Variants in PLD1 observed in about 807,000 individuals in gnomAD.
PLD1 encodes choline phosphatase 1.
In PLD1, 112 loss-of-function variants were observed where a neutral mutation model predicts 137.1. The observed-to-expected ratio is 0.82, with a 90% CI of 0.70 to 0.96. The LOEUF is 0.96. Ranked by LOEUF, PLD1 falls within the 40% of genes least tolerant of loss-of-function variation. The probability of loss-of-function intolerance (pLI) is 0.00; values close to 1 mark genes in which losing one functional copy is unlikely to be tolerated. For synonymous variants in PLD1, 431 were observed against 454.7 expected (o/e 0.95, Z 0.66); for missense variants, 1,321 against 1,342.0 (o/e 0.98, Z 0.24).
chr3:171,712,104 A>G (rs1362085912), intron 9 of PLD1, among the ~76,000 whole-genome samples: 2 of 152,158 alleles, frequency 1.3e-5, no homozygotes, highest in Non-Finnish European at 2.9e-5. Flanking sequence ...ACAGATTCTA[A>G]AAGAATTATT....
chr3:171,639,848 C>CTCTCTATA (rs3050415), intron 23 of PLD1, among the ~76,000 whole-genome samples: 6,761 of 109,838 alleles, frequency 0.062, 301 homozygotes, highest in Admixed American at 0.092. Flanking sequence ...CTCTCTCTCT[C>CTCTCTATA]TATATATATA....
intron 23 of PLD1, among the ~76,000 whole-genome samples, chr3:171,620,737 T>TCG: frequency 1.3e-5 from 1 of 76,898 alleles, no homozygotes; most frequent in Non-Finnish European, 2.5e-5. Context: ...TCTCTCTCTC[T>TCG]CTCTCTATAT....
At chr3:171,685,925 C>A (rs1448180518) in intron 16 of PLD1, among the ~76,000 whole-genome samples, 1 of 152,080 alleles carries the variant, frequency 6.6e-6, no homozygotes, top group Non-Finnish European at 1.5e-5. Flanking sequence ...TCAACACAAG[C>A]CTGGCCAACA....
At chr3:171,756,710 A>G (rs533342161) in intron 1 of PLD1, among the ~76,000 whole-genome samples, 7 of 152,350 alleles carry the variant, frequency 4.6e-5, no homozygotes, top group African/African-American at 1.4e-4. Flanking sequence ...TAGCTGTTAA[A>G]AAGTCATTGT....
At position 171,734,928 on chromosome 3, in the gene PLD1, C is replaced by G; in HGVS notation, c.477G>C (p.Glu159Asp). The change falls in exon 5 of 27, where the codon GAG becomes GAC. Residue 159 changes from glutamate (E) to aspartate (D), a missense_variant. Glu to Asp is a conservative substitution (Grantham distance 45). Coordinates refer to ENST00000351298, the MANE Select transcript of PLD1 (RefSeq NM_002662.5). Reference protein sequence around the residue: ...RRQNVREEPREMPSLPRSSEN... With the variant: ...RRQNVREEPRDMPSLPRSSEN... ...CAGATGAACGGGGCAAACTGGGCAT[C>G]TCTCGAGGCTCCTCTCTGACGTTTT... The G allele has an allele frequency of 6.2e-7, 1 of 1,613,516 alleles. No homozygotes were observed. The highest frequency in any genetic ancestry group is 1.1e-5 in the South Asian group (1 of 91,024).
chr3:171,691,998 G>A (rs1042195115), intron 13 of PLD1, among the ~76,000 whole-genome samples: 1 of 152,132 alleles, frequency 6.6e-6, no homozygotes, highest in African/African-American at 2.4e-5. Context: ...ATGTCACAGG[G>A]AGATCACATC....
chr3:171,686,056 G>A lies in PLD1; in HGVS notation c.1867+629C>T, dbSNP rs568298804. On this transcript the variant is annotated intron_variant, in intron 16 of 26. Transcript: ENST00000351298. ...GGAGAATCGCTAAAACCTGGGAGGC[G>A]GAGGGTGCAGTGAGCCAAGACGGCC... Among the ~76,000 whole-genome samples the A allele has an allele frequency of 6.9e-4, 105 of 151,288 alleles. 1 individual carries two copies. The highest frequency in any genetic ancestry group is 2.4e-3 in the African/African-American group (98 of 41,218).
chr3:171,631,680 A>G (rs1364623422), intron 23 of PLD1, among the ~76,000 whole-genome samples: 1 of 152,132 alleles, frequency 6.6e-6, no homozygotes, highest in African/African-American at 2.4e-5. Context: ...TCATCAAGCC[A>G]CCTTTAAAAG....
chr3:171,764,911 G>A (rs796987086), intron 1 of PLD1, among the ~76,000 whole-genome samples: 14,435 of 38,516 alleles, frequency 0.37, 4,032 homozygotes, highest in Admixed American at 0.45. Flanking sequence ...AAGGAAGGAA[G>A]GAAAGAAAGA....
intron 24 of PLD1, 142 bp downstream of exon 24, chr3:171,620,244 G>C (rs1434176996): frequency 1.3e-5 from 7 of 547,868 alleles, no homozygotes; most frequent in Non-Finnish European, 1.6e-5. Context: ...AAGAGAAGAG[G>C]ATGGCTTCAG....
At chr3:171,652,401 A>G (rs1402899599) in intron 21 of PLD1, among the ~76,000 whole-genome samples, 1 of 143,982 alleles carries the variant, frequency 6.9e-6, no homozygotes, top group African/African-American at 2.7e-5. Context: ...CGACAGAGTG[A>G]GACTCCTTCT....
At chr3:171,795,062 T>C (rs920622963) in intron 1 of PLD1, among the ~76,000 whole-genome samples, 1 of 152,258 alleles carries the variant, frequency 6.6e-6, no homozygotes, top group Non-Finnish European at 1.5e-5. Context: ...AGGTGTTCCT[T>C]TGTTTAAAAT....
chr3:171,772,959 A>G (rs1722443803), intron 1 of PLD1, among the ~76,000 whole-genome samples: 2 of 152,198 alleles, frequency 1.3e-5, no homozygotes, highest in Non-Finnish European at 2.9e-5. Context: ...CCTCTGCAGA[A>G]AGAGCTTCAA....
At chr3:171,775,513 C>T (rs1722557697) in intron 1 of PLD1, among the ~76,000 whole-genome samples, 1 of 151,794 alleles carries the variant, frequency 6.6e-6, no homozygotes, top group Admixed American at 6.6e-5. Flanking sequence ...CAAAGAGGTC[C>T]CCATGGCACA....
intron 16 of PLD1, among the ~76,000 whole-genome samples, chr3:171,683,955 T>C (rs2002006): frequency 0.41 from 62,232 of 152,038 alleles, 13,006 homozygotes; most frequent in Non-Finnish European, 0.43. Flanking sequence ...CATTATGTTC[T>C]TCACCATTTC....
At chr3:171,734,611 T>C (rs1002287553) in intron 5 of PLD1, among the ~76,000 whole-genome samples, 6 of 152,086 alleles carry the variant, frequency 3.9e-5, no homozygotes, top group Non-Finnish European at 8.8e-5. Flanking sequence ...CCAAGGAGAT[T>C]CTAGCAGGGA....
chr3:171,761,225 G>A (rs1055481762), intron 1 of PLD1, among the ~76,000 whole-genome samples: 2 of 152,176 alleles, frequency 1.3e-5, no homozygotes, highest in Non-Finnish European at 2.9e-5. Context: ...ACACTTTATA[G>A]TCAGGCAAAG....
chr3:171,671,137 G>A (rs1286323336), intron 19 of PLD1, among the ~76,000 whole-genome samples: 2 of 152,184 alleles, frequency 1.3e-5, no homozygotes, highest in Non-Finnish European at 2.9e-5. Flanking sequence ...ACCACCTTGT[G>A]TGCTTTTATG....
chr3:171,695,339 A>G (rs1360599728), intron 12 of PLD1, among the ~76,000 whole-genome samples: 1 of 152,238 alleles, frequency 6.6e-6, no homozygotes, highest in Non-Finnish European at 1.5e-5. Flanking sequence ...CTTTTTGCTT[A>G]AAGAAAGGGA....
Sources: gnomAD v4.1 joint callset for allele counts (sites outside exome capture counted in the v4.1 genomes callset) on GRCh38, gnomAD v4.1.1 for gene constraint, MANE v1.5 for transcripts, NCBI Gene and HGNC (gene_info 2026-07-23, HGNC 2026-07-21) for gene names.